The following FAP variants were observed in gnomAD, a reference collection of about 807,000 sequenced individuals.
FAP encodes prolyl endopeptidase FAP.
Under a neutral mutation model 126.5 loss-of-function variants are expected in FAP, and 110 were observed. The ratio of observed to expected loss-of-function variants is 0.87; its 90% confidence interval spans 0.74 to 1.02. The LOEUF (loss-of-function observed/expected upper bound fraction) is 1.02. Among genes scored for constraint, FAP ranks in the 50% least tolerant of loss-of-function variants. FAP has a pLI of 0.00. For missense variants in FAP, 919 were observed against 909.2 expected, an observed-to-expected ratio of 1.01 and a Z score of -0.14; for synonymous variants, 334 against 297.3, an observed-to-expected ratio of 1.12 and a Z score of -1.27.
intron 20 of FAP, among the ~76,000 whole-genome samples, chr2:162,184,122 TCAAAATTGAGG>T (rs933009490): frequency 2.0e-5 from 3 of 152,114 alleles, no homozygotes; most frequent in African/African-American, 7.2e-5. Context: ...TGGGAAACCC[TCAAAATTGAGG>T]GTTTCAAGCT....
intron 22 of FAP, among the ~76,000 whole-genome samples, chr2:162,174,117 A>T (rs1687404027): frequency 6.6e-6 from 1 of 152,122 alleles, no homozygotes; most frequent in African/African-American, 2.4e-5. Flanking sequence ...AATGGTCTCA[A>T]TATATTTTAA....
intron 2 of FAP, among the ~76,000 whole-genome samples, chr2:162,235,526 C>T (rs918303703): frequency 2.0e-5 from 3 of 152,310 alleles, no homozygotes; most frequent in Non-Finnish European, 4.4e-5. Flanking sequence ...CCCATTGACA[C>T]TCTGTATCTA....
At position 162,218,075 on chromosome 2, in the gene FAP, C is replaced by A. The variant is rs1204655679; in HGVS notation, c.673G>T (p.Glu225Ter). 2.5e-6 allele frequency: 4 copies of A among 1,607,990 alleles called. No homozygotes were observed. The South Asian group carries it at 4.4e-5, about 18-fold the overall frequency. Residue 225 changes from glutamate (E) to a stop codon, truncating the protein, a stop_gained, in exon 9 of 26, where the codon GAA (glutamate) becomes TAA (stop). Coordinates refer to ENST00000188790, the MANE Select transcript of FAP (RefSeq NM_004460.5). LOFTEE classifies it high-confidence loss of function. Reference protein sequence around the residue: ...SPNGKFLAYAEFNDTDIPVIA... With the variant: ...SPNGKFLAYA Reference sequence around the variant, plus strand: ...ACTGGTATATCCGTATCATTAAATTCCGCATATGCCAAAAATTTTCCATTA... The same window carrying A: ...ACTGGTATATCCGTATCATTAAATTACGCATATGCCAAAAATTTTCCATTA...
chr2:162,195,508 C>A (rs890840227), intron 16 of FAP, among the ~76,000 whole-genome samples: 1 of 151,630 alleles, frequency 6.6e-6, no homozygotes, highest in African/African-American at 2.4e-5. Context: ...AAACTCTTCT[C>A]TTCTCCCGGG....
rs1689618189 is a variant in FAP at position 162,225,724 on chromosome 2, G to T, written c.191-147C>A. Reference sequence around the variant, plus strand: ...TGCTTTGTGATATGTAAAATAGTAAGTTGGTGGTAGAGGAAGAAGGTAGAA... The same window carrying T: ...TGCTTTGTGATATGTAAAATAGTAATTTGGTGGTAGAGGAAGAAGGTAGAA... On this transcript the variant is annotated intron_variant, in intron 3 of 25. Coordinates refer to ENST00000188790, the MANE Select transcript of FAP (RefSeq NM_004460.5). 5.2e-6 allele frequency: 4 copies of T among 766,372 alleles called. No individual in the cohort carries two copies. In the East Asian group the frequency reaches 1.5e-4, roughly 29 times the overall value. 47.5% of individuals were successfully genotyped at this position (766,372 alleles called of 1,614,324 possible).
intron 10 of FAP, 129 bp from the exon 11 acceptor site, chr2:162,214,202 C>T (rs574076485): frequency 3.0e-6 from 2 of 660,968 alleles, no homozygotes; most frequent in Non-Finnish European, 4.6e-6. Flanking sequence ...GTAAGCAAGA[C>T]AAAACATTCC....
chr2:162,198,964 T>C, intron 15 of FAP, 83 bp from the exon 16 acceptor site: 1 of 1,204,470 alleles, frequency 8.3e-7, no homozygotes, highest in Non-Finnish European at 1.2e-6. Flanking sequence ...AAGTGACTAA[T>C]TTACATATTG....
intron 20 of FAP, chr2:162,183,695 T>C (rs1422927563): frequency 2.3e-6 from 1 of 432,698 alleles, no homozygotes; most frequent in East Asian, 4.4e-5. Context: ...TATTGACTGG[T>C]AATGTCAGAG....
intron 12 of FAP, among the ~76,000 whole-genome samples, chr2:162,207,197 G>A (rs1012883979): frequency 9.2e-5 from 14 of 152,124 alleles, no homozygotes; most frequent in African/African-American, 3.4e-4. Flanking sequence ...TATGAGTTAT[G>A]GCTATATAAA....
At chr2:162,190,109 T>C (rs919744835) in intron 17 of FAP, among the ~76,000 whole-genome samples, 2 of 152,068 alleles carry the variant, frequency 1.3e-5, no homozygotes, top group African/African-American at 4.8e-5. Context: ...TCTTTTATCA[T>C]ATACTTAAAA....
Position 162,170,923 on chromosome 2 carries a change from T to G in FAP, c.*56A>C, listed in dbSNP as rs1687280987. ...TAAAAAATAAAATAAGCAAACTGTC[T>G]GAGGGGTTTATATAAGGTTTTCAGA... is the stretch of plus-strand genomic sequence containing the variant. On this transcript the variant is annotated 3_prime_UTR_variant, in exon 26 of 26. Transcript: ENST00000188790. 6 of 1,271,152 alleles carry G rather than the reference T, an allele frequency of 4.7e-6. No homozygotes were observed. The highest frequency in any genetic ancestry group is 5.7e-6 in the Non-Finnish European group (5 of 872,892). The allele number at this position is 1,271,152 out of a possible 1,614,324, so 78.7% of individuals were successfully genotyped here.
At chr2:162,178,315 A>G (rs1262379039) in intron 21 of FAP, among the ~76,000 whole-genome samples, 1 of 152,148 alleles carries the variant, frequency 6.6e-6, no homozygotes, top group Non-Finnish European at 1.5e-5. Flanking sequence ...CAATTGTCAG[A>G]ATAATTGTGT....
Position 162,173,211 on chromosome 2 carries a change from A to G in FAP, c.2045T>C (p.Val682Ala). The G allele has an allele frequency of 6.2e-7, 1 of 1,612,848 alleles. No individual in the cohort carries two copies. The highest frequency in any genetic ancestry group is 8.5e-7 in the Non-Finnish European group (1 of 1,179,028). ...TCTGAAATATTCTGCTCTTGCCATC[A>G]CAGTTGAATTCTGGAAAAGAGAAAA... ...DNLEHYKNST[V>A]MARAEYFRNV... The change falls in exon 24 of 26, where the codon GTG (valine) becomes GCG (alanine). Residue 682 changes from valine (V) to alanine (A), a missense_variant. Coordinates refer to ENST00000188790, the MANE Select transcript of FAP (RefSeq NM_004460.5).
rs1559769777 is a variant in FAP at position 162,194,823 on chromosome 2, G to T, written c.1403-75C>A. ...TCCTTTTCAAGACGGGCTGCTGGTA[G>T]TATTTGTGATTAGTGTCAAGTGCCA... is the stretch of plus-strand genomic sequence containing the variant. On this transcript the variant is annotated intron_variant, in intron 16 of 25. Transcript: ENST00000188790. The T allele has an allele frequency of 5.2e-6, 7 of 1,344,970 alleles. 1 individual carries two copies. The Admixed American group carries it at 1.2e-4, about 23-fold the overall frequency. 83.3% of individuals were successfully genotyped at this position (1,344,970 alleles called of 1,614,324 possible). A position where few individuals can be genotyped will look rare whatever the true frequency, so the allele number is the denominator to read the frequency against.
At chr2:162,200,018 A>T (rs551957662) in intron 15 of FAP, among the ~76,000 whole-genome samples, 1 of 152,228 alleles carries the variant, frequency 6.6e-6, no homozygotes, top group African/African-American at 2.4e-5. Context: ...TGTAAGTCAG[A>T]TTAAAAGGTG....
intron 11 of FAP, among the ~76,000 whole-genome samples, chr2:162,211,260 C>T (rs1688922039): frequency 6.6e-6 from 1 of 152,180 alleles, no homozygotes; most frequent in Non-Finnish European, 1.5e-5. Context: ...GAAATGCCAT[C>T]ACCTAGGTTC....
intron 2 of FAP, 132 bp downstream of exon 2, chr2:162,242,776 A>G: frequency 1.5e-6 from 1 of 666,904 alleles, no homozygotes; most frequent in South Asian, 1.9e-5. Flanking sequence ...GTGAGCTTAT[A>G]TGTCTTCTTA....
rs376642399 is a variant in FAP, at chr2:162,203,609, G to T, written c.1048-464C>A. Among the ~76,000 whole-genome samples, 3 of 152,270 alleles carry T rather than the reference G, an allele frequency of 2.0e-5. No homozygotes were observed. In the East Asian group the frequency reaches 5.8e-4, roughly 29 times the overall value. On this transcript the variant is annotated intron_variant, in intron 12 of 25. Coordinates refer to ENST00000188790, the MANE Select transcript of FAP (RefSeq NM_004460.5). ...AATGAAGACATTTAAAAGATGAAAA[G>T]ATCATGGCTTGCTAGCCACAGTTTT...
chr2:162,233,174 AAT>A (rs1397466535), intron 2 of FAP, among the ~76,000 whole-genome samples: 6 of 152,090 alleles, frequency 3.9e-5, no homozygotes, highest in African/African-American at 7.2e-5. Flanking sequence ...CTTCAAAATC[AAT>A]ATGTTTAATG....
Sources: allele counts gnomAD v4.1 joint callset (sites outside exome capture counted in the v4.1 genomes callset), GRCh38; gene constraint gnomAD v4.1.1; transcripts MANE v1.5; gene names NCBI Gene and HGNC (gene_info 2026-07-23, HGNC 2026-07-21).